The following GAS6 variants were observed in gnomAD, a reference collection of about 807,000 sequenced individuals.
GAS6 encodes the protein growth arrest-specific protein 6.
In GAS6, 41 loss-of-function variants were observed where a neutral mutation model predicts 75.8. The observed-to-expected ratio is 0.54, with a 90% CI of 0.42 to 0.70. GAS6 has a LOEUF of 0.70. Ranked by LOEUF, GAS6 falls within the 30% of genes least tolerant of loss-of-function variation. The pLI is 0.00. For synonymous variants in GAS6, 432 were observed against 412.6 expected (o/e 1.05, Z -0.57); for missense variants, 854 against 940.2 (o/e 0.91, Z 1.20).
At chr13:113,847,418 C>G (rs1225869287) in intron 3 of GAS6, among the ~76,000 whole-genome samples, 2 of 152,206 alleles carry the variant, frequency 1.3e-5, no homozygotes. Context: ...GTGAAATGCT[C>G]TCAAAGAGCT....
At chr13:113,846,263 C>T (rs1221922305) in intron 4 of GAS6, among the ~76,000 whole-genome samples, 4 of 152,214 alleles carry the variant, frequency 2.6e-5, no homozygotes, top group Non-Finnish European at 4.4e-5. Flanking sequence ...TCTGACTGGA[C>T]GACTCAGAGG....
At chr13:113,846,622 C>T in intron 3 of GAS6, 33 bp from the exon 4 acceptor site, 2 of 1,577,332 alleles carry the variant, frequency 1.3e-6, no homozygotes, top group Non-Finnish European at 1.7e-6. Flanking sequence ...TGTCAGTCAT[C>T]CTTACAAGAC....
At chr13:113,827,910 T>G (rs1051872589) in intron 11 of GAS6, among the ~76,000 whole-genome samples, 3 of 152,166 alleles carry the variant, frequency 2.0e-5, no homozygotes, top group African/African-American at 7.2e-5. Context: ...TTTCCCCTTA[T>G]GAGACTCACG....
chr13:113,848,111 A>G lies in GAS6; in HGVS notation c.256-61T>C. On this transcript the variant is annotated intron_variant, in intron 2 of 14. Transcript: ENST00000327773. This position sits in a 1 kb window ranked among gnomAD's most constrained non-coding sequence, Gnocchi z 4.8. Reference sequence around the variant, plus strand: ...CGGCACACTACGAGGGTCTCTGAACAACATAAGCATCAGCTGGTTAATCAG... The same window carrying G: ...CGGCACACTACGAGGGTCTCTGAACGACATAAGCATCAGCTGGTTAATCAG... 6.4e-7 allele frequency: 1 copy of G among 1,560,018 alleles called. No homozygotes were observed. The highest frequency in any genetic ancestry group is 1.1e-5 in the South Asian group (1 of 87,258).
At chr13:113,856,184 G>A (rs550498087) in intron 2 of GAS6, among the ~76,000 whole-genome samples, 83 of 152,274 alleles carry the variant, frequency 5.5e-4, no homozygotes, top group African/African-American at 1.9e-3. Flanking sequence ...CCCCGCAGCC[G>A]CCCTGTGCTT....
chr13:113,846,846 G>C (rs60850774), intron 3 of GAS6: 4 of 532,628 alleles, frequency 7.5e-6, no homozygotes, highest in Middle Eastern at 2.9e-4. Context: ...CCGCCGTTTC[G>C]AGGGGGCTCC....
chr13:113,833,637 CCA>C lies in GAS6; in HGVS notation c.835-887_835-886del, dbSNP rs1396477679. ...GTGTGACAGGTCGGTGTGACAGGCA[CCA>C]GTGTGACAGGCACCAGTGTGACAGG... On this transcript the variant is annotated intron_variant, in intron 8 of 14. Transcript: ENST00000327773. The C allele has an allele frequency of 3.0e-6, 3 of 1,004,518 alleles. No homozygotes were observed. In the African/African-American group the frequency reaches 5.5e-5, roughly 18 times the overall value. 62.2% of individuals were successfully genotyped at this position (1,004,518 alleles called of 1,614,324 possible).
intron 6 of GAS6, chr13:113,836,134 G>A (rs1016055153): frequency 2.3e-6 from 2 of 875,708 alleles, no homozygotes; most frequent in African/African-American, 4.2e-5. Context: ...TGGGGTAGGA[G>A]GGGCAACCCT....
intron 13 of GAS6, 125 bp downstream of exon 13, chr13:113,823,250 T>G (rs1254675013): frequency 1.8e-6 from 2 of 1,122,694 alleles, no homozygotes; most frequent in Non-Finnish European, 2.5e-6. Flanking sequence ...ATCAGACCTC[T>G]GGTCAGAGGC....
chr13:113,839,936 G>A, intron 4 of GAS6, 86 bp from the exon 5 acceptor site: 2 of 1,597,366 alleles, frequency 1.3e-6, no homozygotes, highest in Non-Finnish European at 1.7e-6. Flanking sequence ...CGGCTGTGGG[G>A]TCTCGGGTCC....
Position 113,838,741 on chromosome 13 carries a change from G to C in GAS6, c.467-550C>G, listed in dbSNP as rs183817386. Among the ~76,000 whole-genome samples, 34 of 130,018 alleles carry C rather than the reference G, an allele frequency of 2.6e-4. 1 individual carries two copies. The highest frequency in any genetic ancestry group is 3.3e-5 in the Non-Finnish European group (2 of 61,260). The allele number at this position is 130,018 out of a possible 152,430, so 85.3% of individuals were successfully genotyped here. On this transcript the variant is annotated intron_variant, in intron 5 of 14. Coordinates refer to ENST00000327773, the MANE Select transcript of GAS6 (RefSeq NM_000820.4). ...CCAGCACTGGAGCAGGGAAGGAGCCGGGGGGGTGCACAGCCCAGCACTGGA... is the reference window on the plus strand; with the variant it reads ...CCAGCACTGGAGCAGGGAAGGAGCCCGGGGGGTGCACAGCCCAGCACTGGA...
At chr13:113,841,624 C>A (rs112915045) in intron 4 of GAS6, 12,642 of 153,220 alleles carry the variant, frequency 0.083, 895 homozygotes, top group African/African-American at 0.22. Context: ...CCTCCATACA[C>A]CCCACAGTTT....
rs555672569 is a variant in GAS6, at chr13:113,834,665, G to A, written c.720C>T (p.Asp240=). 3.1e-4 allele frequency: 490 copies of A among 1,570,562 alleles called. 4 individuals carry two copies. In the South Asian group the frequency reaches 3.4e-3, roughly 11 times the overall value. ...SSQEKACRDV[D]ECLQGRCEQV... ...GCTCACAGCGGCCCTGCAGACACTC[G>A]TCCACATCTGCCAGCCAGAGGGAAG... The change falls in exon 8 of 15, where the codon GAC becomes GAT. Residue 240 remains aspartate (D), a synonymous_variant. Coordinates refer to ENST00000327773, the MANE Select transcript of GAS6 (RefSeq NM_000820.4).
At chr13:113,859,010 G>T (rs1203982793) in intron 2 of GAS6, among the ~76,000 whole-genome samples, 1 of 151,852 alleles carries the variant, frequency 6.6e-6, no homozygotes, top group African/African-American at 2.4e-5. Context: ...ATACATGTCT[G>T]TTAGTATGTG....
In GAS6 at chr13:113,827,183, C is replaced by T; in HGVS notation, c.1309-19G>A. The T allele has an allele frequency of 6.2e-7, 1 of 1,606,994 alleles. No homozygotes were observed. The highest frequency in any genetic ancestry group is 8.5e-7 in the Non-Finnish European group (1 of 1,175,498). On this transcript the variant is annotated intron_variant, in intron 11 of 14. Transcript: ENST00000327773. ...GGTTTATCTGGAAAGGCAGAGAAAT[C>T]TCCGTGGCTTCCTGGGAGCGAGAAG...
intron 7 of GAS6, among the ~76,000 whole-genome samples, chr13:113,835,098 C>T (rs2051685334): frequency 6.6e-6 from 1 of 152,244 alleles, no homozygotes; most frequent in Non-Finnish European, 1.5e-5. Context: ...GCCTACTCAG[C>T]CCCACTGTTC....
chr13:113,862,956 G>A (rs560054213), intron 2 of GAS6, among the ~76,000 whole-genome samples: 3 of 152,070 alleles, frequency 2.0e-5, no homozygotes, highest in Non-Finnish European at 4.4e-5. Context: ...AGGCGGCCCC[G>A]GGCGCCCCGC....
chr13:113,832,995 C>G, intron 8 of GAS6: 1 of 1,417,544 alleles, frequency 7.1e-7, no homozygotes, highest in Non-Finnish European at 9.2e-7. Context: ...CATCTCCTTC[C>G]CTGCTCATTT....
rs2051726956 is a variant in GAS6, at chr13:113,837,214, G to A, written c.589+855C>T. Among the ~76,000 whole-genome samples the A allele has an allele frequency of 1.3e-5, 2 of 152,008 alleles. 1 individual carries two copies. Among genetic ancestry groups the A allele is most frequent in the South Asian group, 4.1e-4 (2 of 4,828 alleles). On this transcript the variant is annotated intron_variant, in intron 6 of 14. Transcript: ENST00000327773. The surrounding 1 kb of genome is among the most constrained non-coding windows in gnomAD (Gnocchi z 5.1). ...CATCTGCACACAGGGCTAACTCCTG[G>A]GTGGTCAGGGAAGGGAACCACCAAA...
Sources: allele counts gnomAD v4.1 joint callset (sites outside exome capture counted in the v4.1 genomes callset), GRCh38; gene constraint gnomAD v4.1.1; non-coding constraint Gnocchi (gnomAD v3.1); transcripts MANE v1.5; gene names NCBI Gene and HGNC (gene_info 2026-07-23, HGNC 2026-07-21).